MARCHF1: variants seen among roughly 807,000 people sequenced by gnomAD.
MARCHF1 encodes the protein E3 ubiquitin-protein ligase MARCHF1.
In MARCHF1, 40 loss-of-function variants were observed where a neutral mutation model predicts 54.2. The observed-to-expected ratio is 0.74, with a 90% CI of 0.57 to 0.96. The LOEUF (loss-of-function observed/expected upper bound fraction) is 0.96, where lower values mean the gene tolerates loss of function less well. Among genes scored for constraint, MARCHF1 ranks in the 40% least tolerant of loss-of-function variants. The pLI is 0.00. For missense variants in MARCHF1, 586 were observed against 656.5 expected, an observed-to-expected ratio of 0.89 and a Z score of 1.17; for synonymous variants, 236 against 236.3, an observed-to-expected ratio of 1.00 and a Z score of 0.01.
intron 5 of MARCHF1, among the ~76,000 whole-genome samples, chr4:163,633,395 G>A (rs1191761623): frequency 6.6e-6 from 1 of 152,134 alleles, no homozygotes; most frequent in Non-Finnish European, 1.5e-5. Context: ...ACAGAGAAGT[G>A]CTTAAAGGAG....
chr4:163,879,726 T>A (rs528456802), intron 3 of MARCHF1, among the ~76,000 whole-genome samples: 1 of 152,240 alleles, frequency 6.6e-6, no homozygotes, highest in East Asian at 1.9e-4. Context: ...ACTTTACATA[T>A]ATGTTGTTTA....
At chr4:164,113,843 G>C (rs17675807) in intron 1 of MARCHF1, among the ~76,000 whole-genome samples, 1 of 151,804 alleles carries the variant, frequency 6.6e-6, no homozygotes, top group South Asian at 2.1e-4. Context: ...GGACTGCTTT[G>C]GTTATTCAAA....
Position 163,950,656 on chromosome 4 carries a change from C to T in MARCHF1, c.-39+37845G>A, listed in dbSNP as rs536412577. Among the ~76,000 whole-genome samples the T allele has an allele frequency of 2.7e-3, 407 of 152,294 alleles. 3 individuals are homozygous for T. In the South Asian group the frequency reaches 0.03, roughly 11 times the overall value. ...GCATACAGCCCCATCCACACCTCCG[C>T]GACTGCAGCCAGCGTCATGGCAGCG... On this transcript the variant is annotated intron_variant, in intron 3 of 9. Coordinates refer to ENST00000514618, the MANE Select transcript of MARCHF1 (RefSeq NM_001394959.1).
At chr4:164,337,966 A>T (rs1729800739) in intron 1 of MARCHF1, among the ~76,000 whole-genome samples, 1 of 152,224 alleles carries the variant, frequency 6.6e-6, no homozygotes, top group African/African-American at 2.4e-5. Context: ...GTATCTCAGA[A>T]TTCCTATCCT....
chr4:163,717,994 G>T (rs985967150), intron 4 of MARCHF1, among the ~76,000 whole-genome samples: 2 of 152,024 alleles, frequency 1.3e-5, no homozygotes, highest in African/African-American at 4.8e-5. Context: ...CAGAAATAAT[G>T]CCACATAGCT....
At chr4:164,262,348 G>T (rs2111280275) in intron 1 of MARCHF1, among the ~76,000 whole-genome samples, 1 of 152,212 alleles carries the variant, frequency 6.6e-6, no homozygotes, top group Admixed American at 6.5e-5. Flanking sequence ...AACAAGTGTG[G>T]CTCACTTTGC....
intron 5 of MARCHF1, among the ~76,000 whole-genome samples, chr4:163,681,751 C>G (rs1176499581): frequency 6.6e-6 from 1 of 152,166 alleles, no homozygotes; most frequent in Non-Finnish European, 1.5e-5. Context: ...AAACCTCTTT[C>G]CTTTATAAGT....
At chr4:163,588,618 G>A (rs1374785060) in intron 7 of MARCHF1, among the ~76,000 whole-genome samples, 1 of 152,078 alleles carries the variant, frequency 6.6e-6, no homozygotes, top group African/African-American at 2.4e-5. Flanking sequence ...TCAACCGGGG[G>A]TCAGTAAACT....
At chr4:163,904,070 CA>C (rs2111314947) in intron 3 of MARCHF1, among the ~76,000 whole-genome samples, 1 of 152,228 alleles carries the variant, frequency 6.6e-6, no homozygotes, top group African/African-American at 2.4e-5. Flanking sequence ...TTTTTCATTT[CA>C]CATTTGTCAT....
chr4:163,777,978 A>T (rs559995666), intron 4 of MARCHF1, among the ~76,000 whole-genome samples: 1 of 152,204 alleles, frequency 6.6e-6, no homozygotes, highest in African/African-American at 2.4e-5. Context: ...ACTGTTTTCT[A>T]TGACCATTGT....
chr4:163,846,006 A>T (rs1445092043), intron 4 of MARCHF1, among the ~76,000 whole-genome samples: 1 of 152,212 alleles, frequency 6.6e-6, no homozygotes, highest in Non-Finnish European at 1.5e-5. Context: ...GTTCTTTAAA[A>T]GCATCACGTC....
chr4:164,088,423 A>G (rs932759952), intron 2 of MARCHF1, among the ~76,000 whole-genome samples: 4 of 152,188 alleles, frequency 2.6e-5, no homozygotes, highest in African/African-American at 9.7e-5. Flanking sequence ...GTGAAGGCTC[A>G]GAAAGCATCT....
intron 3 of MARCHF1, among the ~76,000 whole-genome samples, chr4:163,953,883 A>G (rs1034315653): frequency 6.6e-6 from 1 of 152,182 alleles, no homozygotes; most frequent in Non-Finnish European, 1.5e-5. Flanking sequence ...TGAGTGGATA[A>G]GGGTGAATGA....
chr4:164,109,502 G>A (rs1755784365), intron 2 of MARCHF1, among the ~76,000 whole-genome samples: 2 of 151,784 alleles, frequency 1.3e-5, no homozygotes, highest in South Asian at 4.2e-4. Context: ...ATCTCACTAT[G>A]TCTTCTTTTT....
intron 4 of MARCHF1, among the ~76,000 whole-genome samples, chr4:163,747,199 T>A (rs1332872109): frequency 6.6e-6 from 1 of 152,210 alleles, no homozygotes; most frequent in Non-Finnish European, 1.5e-5. Context: ...GACACTTAGA[T>A]GAGGGGAAAA....
At chr4:164,034,108 T>TAGATAGATAGATAGATAGACAGAC (rs1484023412) in intron 2 of MARCHF1, among the ~76,000 whole-genome samples, 1 of 138,942 alleles carries the variant, frequency 7.2e-6, no homozygotes, top group Non-Finnish European at 1.6e-5. Context: ...GATAGATAGA[T>TAGATAGATAGATAGATAGACAGAC]AGATAGATAG....
chr4:164,251,181 T>C (rs1329468956), intron 1 of MARCHF1, among the ~76,000 whole-genome samples: 1 of 152,182 alleles, frequency 6.6e-6, no homozygotes, highest in Non-Finnish European at 1.5e-5. Context: ...CTGAAATATA[T>C]TTCCCTAACA....
chr4:163,902,974 C>A (rs1157650676), intron 3 of MARCHF1, among the ~76,000 whole-genome samples: 1 of 152,000 alleles, frequency 6.6e-6, no homozygotes, highest in Non-Finnish European at 1.5e-5. Context: ...CTACTCCCAC[C>A]ATACTTGCAC....
chr4:164,215,736 A>G (rs775991144), intron 1 of MARCHF1, among the ~76,000 whole-genome samples: 13 of 152,238 alleles, frequency 8.5e-5, no homozygotes, highest in Non-Finnish European at 1.8e-4. Context: ...AGGCTGAGGT[A>G]GAATAGCCAG....
Sources: allele counts gnomAD v4.1 joint callset (sites outside exome capture counted in the v4.1 genomes callset), GRCh38; gene constraint gnomAD v4.1.1; transcripts MANE v1.5; gene names NCBI Gene and HGNC (gene_info 2026-07-23, HGNC 2026-07-21).